The following LRRC37A2 variants were observed in gnomAD, a reference collection of about 807,000 sequenced individuals.
LRRC37A2 encodes leucine rich repeat containing 37 member A2, also known as leucine-rich repeat-containing protein 37A2.
Under a neutral mutation model 68.8 loss-of-function variants are expected in LRRC37A2, and 9 were observed. The observed-to-expected ratio is 0.13, with a 90% confidence interval of 0.08 to 0.23. The LOEUF is 0.23. Among genes scored for constraint, LRRC37A2 ranks in the 10% least tolerant of loss-of-function variants. The pLI is 1.00. For synonymous variants in LRRC37A2, 63 were observed against 367.6 expected (o/e 0.17, Z 9.48); for missense variants, 168 against 950.4 (o/e 0.18, Z 10.82).
rs1273255706 is a variant in LRRC37A2, at chr17:46,542,696, A to AAT, written c.3053+1826_3053+1827dup. Among the ~76,000 whole-genome samples the AAT allele has an allele frequency of 6.7e-5, 10 of 150,108 alleles. No individual in the cohort carries two copies. In the South Asian group the frequency reaches 1.2e-3, roughly 19 times the overall value. ...GGTGACAGAGCAAGACCCTGTCTAA[A>AAT]ATATATATATATTTATATATATGTA... On this transcript the variant is annotated intron_variant, in intron 8 of 14. Transcript: ENST00000576629.
At chr17:47,032,698 G>A in the LRRC37A2 span, among the ~76,000 whole-genome samples, 6 of 151,856 alleles carry the variant, frequency 4.0e-5, no homozygotes, top group East Asian at 2.0e-4. Flanking sequence ...TGTGTCCAGC[G>A]CATTGCTAGG....
At chr17:46,816,962 C>T in the LRRC37A2 span, among the ~76,000 whole-genome samples, 2 of 152,226 alleles carry the variant, frequency 1.3e-5, no homozygotes, top group Non-Finnish European at 2.9e-5. Context: ...TCCCTGGCTG[C>T]CCTGGCCACC....
chr17:46,968,612 A>C, the LRRC37A2 span: 1 of 152,474 alleles, frequency 6.6e-6, no homozygotes, highest in Non-Finnish European at 1.5e-5. Flanking sequence ...TGTGTGACTC[A>C]GAGAACTTAG....
the LRRC37A2 span, among the ~76,000 whole-genome samples, chr17:46,736,655 G>A: frequency 6.6e-5 from 10 of 152,248 alleles, 2 homozygotes. Context: ...TTTTAACTTA[G>A]CAGTATAACT....
chr17:46,909,269 A>G, the LRRC37A2 span, among the ~76,000 whole-genome samples: 2 of 152,178 alleles, frequency 1.3e-5, no homozygotes, highest in Non-Finnish European at 2.9e-5. Context: ...GGGCTCAAGC[A>G]ATCCTCCTGC....
At chr17:46,932,429 T>C in the LRRC37A2 span, 4 of 607,400 alleles carry the variant, frequency 6.6e-6, no homozygotes, top group Middle Eastern at 4.0e-4. Context: ...TGAAGGGGAA[T>C]AGGCAGAGGT....
the LRRC37A2 span, among the ~76,000 whole-genome samples, chr17:47,039,913 A>G: frequency 2.4e-4 from 36 of 151,374 alleles, no homozygotes; most frequent in African/African-American, 7.5e-4. Context: ...CAAGTTCCCC[A>G]TTCTTTCTTC....
chr17:46,723,849 A>G, the LRRC37A2 span, among the ~76,000 whole-genome samples: 8 of 152,296 alleles, frequency 5.3e-5, no homozygotes, highest in East Asian at 1.5e-3. Flanking sequence ...ATGCTTTTCT[A>G]TACAATCAGG....
chr17:46,751,425 T>G, the LRRC37A2 span: 2 of 1,031,680 alleles, frequency 1.9e-6, no homozygotes, highest in African/African-American at 3.1e-5. Flanking sequence ...TCACTCTTCT[T>G]TTAAAGGTAA....
chr17:46,715,583 G>C, the LRRC37A2 span, among the ~76,000 whole-genome samples: 3 of 152,234 alleles, frequency 2.0e-5, no homozygotes, highest in Non-Finnish European at 4.4e-5. Flanking sequence ...GATGTACTCT[G>C]AGATGTGGGT....
At chr17:46,870,904 C>CTTTTT in the LRRC37A2 span, among the ~76,000 whole-genome samples, 68 of 78,344 alleles carry the variant, frequency 8.7e-4, no homozygotes, top group East Asian at 1.4e-3. Flanking sequence ...TCCACCTTTG[C>CTTTTT]TTTTTTTTTT....
the LRRC37A2 span, among the ~76,000 whole-genome samples, chr17:46,610,066 TC>T: frequency 1.8e-4 from 21 of 117,800 alleles, 2 homozygotes; most frequent in South Asian, 5.3e-4. Context: ...TTTCTTTCTT[TC>T]CTTTCTTTCC....
chr17:46,525,701 A>G (rs2052650161), intron 6 of LRRC37A2, among the ~76,000 whole-genome samples: 1 of 116,700 alleles, frequency 8.6e-6, no homozygotes, highest in Non-Finnish European at 1.9e-5. Flanking sequence ...CTGGAATCAC[A>G]GTTGATAAAA....
the LRRC37A2 span, among the ~76,000 whole-genome samples, chr17:46,718,578 A>T: frequency 6.6e-6 from 1 of 152,216 alleles, no homozygotes; most frequent in South Asian, 2.1e-4. Flanking sequence ...CAAACTAGGG[A>T]AATTACTGCC....
At chr17:47,040,414 T>C in the LRRC37A2 span, among the ~76,000 whole-genome samples, 182 of 152,136 alleles carry the variant, frequency 1.2e-3, no homozygotes, top group African/African-American at 4.0e-3. Flanking sequence ...TTGTTAAAAG[T>C]TGAATATTTT....
chr17:46,837,277 C>T, the LRRC37A2 span, among the ~76,000 whole-genome samples: 3 of 152,118 alleles, frequency 2.0e-5, no homozygotes, highest in Non-Finnish European at 2.9e-5. Context: ...TTTGTTTTGC[C>T]CCCTTCATCC....
At chr17:46,986,871 C>G in the LRRC37A2 span, among the ~76,000 whole-genome samples, 2 of 149,762 alleles carry the variant, frequency 1.3e-5, no homozygotes, top group Non-Finnish European at 3.0e-5. Context: ...GTAAGTGGGA[C>G]AGATCAGACT....
At chr17:47,034,174 A>G in the LRRC37A2 span, among the ~76,000 whole-genome samples, 1 of 152,208 alleles carries the variant, frequency 6.6e-6, no homozygotes, top group Non-Finnish European at 1.5e-5. Flanking sequence ...CAATCTCTAC[A>G]AAAAGACTTT....
At chr17:47,019,403 A>G in the LRRC37A2 span, 744 of 1,610,894 alleles carry the variant, frequency 4.6e-4, 1 homozygote, top group South Asian at 6.2e-4. Flanking sequence ...AGGTTAAACC[A>G]TCTCCAACCA....
Sources: allele counts gnomAD v4.1 joint callset (sites outside exome capture counted in the v4.1 genomes callset), GRCh38; gene constraint gnomAD v4.1.1; transcripts MANE v1.5; gene names NCBI Gene and HGNC (gene_info 2026-07-23, HGNC 2026-07-21).